The following NAA35 variants were observed in gnomAD, a reference collection of about 807,000 sequenced individuals.
NAA35 encodes MAK10 homolog, amino-acid N-acetyltransferase subunit.
Under a neutral mutation model 101.7 loss-of-function variants are expected in NAA35, and 18 were observed. That is an observed-to-expected ratio of 0.18 (90% CI 0.12 to 0.26). The LOEUF (loss-of-function observed/expected upper bound fraction) is 0.26, where lower values mean the gene tolerates loss of function less well. NAA35 is among the 10% of genes least tolerant of loss of function. The probability of loss-of-function intolerance (pLI) is 1.00; values close to 1 mark genes in which losing one functional copy is unlikely to be tolerated. For missense variants in NAA35, 601 were observed against 886.8 expected (o/e 0.68, Z 4.09); for synonymous variants, 267 against 273.1 (o/e 0.98, Z 0.22).
At chr9:85,990,523 C>G (rs963481639) in intron 11 of NAA35, among the ~76,000 whole-genome samples, 6 of 152,124 alleles carry the variant, frequency 3.9e-5, no homozygotes, top group Non-Finnish European at 8.8e-5. Flanking sequence ...GTTGTAGATA[C>G]AAAATTAATA....
chr9:85,966,559 TC>T (rs1256801665), intron 6 of NAA35: 4 of 1,034,060 alleles, frequency 3.9e-6, no homozygotes, highest in Non-Finnish European at 1.3e-6. Context: ...TTTCTTTCTT[TC>T]TTTTTTTTTT....
At chr9:86,016,812 G>C (rs1478504750) in intron 18 of NAA35, 137 bp downstream of exon 18, 5 of 786,124 alleles carry the variant, frequency 6.4e-6, no homozygotes, top group Admixed American at 2.9e-5. Flanking sequence ...GGTAGAGACT[G>C]AGTCCCAGTA....
chr9:85,941,401 G>C, intron 1 of NAA35, 128 bp downstream of exon 1: 1 of 985,472 alleles, frequency 1.0e-6, no homozygotes, highest in Non-Finnish European at 1.2e-6. Flanking sequence ...CCCGCTGCGC[G>C]TCAGGTAGGA....
rs534974631 is a variant in NAA35 at position 85,998,142 on chromosome 9, C to G, written c.1056+1565C>G. On this transcript the variant is annotated intron_variant, in intron 12 of 22. Coordinates refer to ENST00000361671, the MANE Select transcript of NAA35 (RefSeq NM_024635.4). ...TGTTAGCCAGGATGGTCTTGATTTC[C>G]TGACCTCGTGATCCACCCACCTTGG... Among the ~76,000 whole-genome samples the G allele has an allele frequency of 2.6e-5, 4 of 152,160 alleles. No individual in the cohort carries two copies. In the East Asian group the frequency reaches 7.8e-4, roughly 30 times the overall value.
chr9:85,952,799 C>T (rs1460311598), intron 2 of NAA35, among the ~76,000 whole-genome samples: 1 of 152,114 alleles, frequency 6.6e-6, no homozygotes, highest in Non-Finnish European at 1.5e-5. Context: ...ACATTTTGCC[C>T]TGTAGGTACC....
At position 86,016,643 on chromosome 9, in the gene NAA35, G is replaced by A. The variant is rs1437801735; in HGVS notation, c.1673G>A (p.Arg558His). Reference protein sequence around the residue: ...ERIMEEQQKGRSSKKTKKKKK... With the variant: ...ERIMEEQQKGHSSKKTKKKKK... ...ATAATGGAAGAGCAGCAGAAAGGCCGTAGTAGTAAAAAAACAAAGAAAAAA... is the reference window on the plus strand; with the variant it reads ...ATAATGGAAGAGCAGCAGAAAGGCCATAGTAGTAAAAAAACAAAGAAAAAA... The change falls in exon 18 of 23, where the codon CGT becomes CAT. Residue 558 changes from arginine (R) to histidine (H), a missense_variant. This residue lies in a region of NAA35 where 99 missense variants were observed against 206.7 expected (regional missense o/e 0.48). Transcript: ENST00000361671. 3 of 1,613,444 alleles carry A rather than the reference G, an allele frequency of 1.9e-6. No individual in the cohort carries two copies. The highest frequency in any genetic ancestry group is 2.5e-6 in the Non-Finnish European group (3 of 1,179,830).
intron 9 of NAA35, 34 bp downstream of exon 9, chr9:85,976,769 G>T: frequency 6.8e-7 from 1 of 1,470,694 alleles, no homozygotes; most frequent in South Asian, 1.2e-5. Flanking sequence ...GATAATATCA[G>T]AGAAGTCTAC....
intron 22 of NAA35, 80 bp from the exon 23 acceptor site, chr9:86,021,821 T>C: frequency 8.4e-7 from 1 of 1,190,890 alleles, no homozygotes; most frequent in Non-Finnish European, 1.2e-6. Context: ...CAAGAAACTC[T>C]AAAATAAAAA....
chr9:85,969,859 TAAA>T (rs76512245), intron 6 of NAA35, among the ~76,000 whole-genome samples: 8 of 134,796 alleles, frequency 5.9e-5, no homozygotes, highest in Non-Finnish European at 4.9e-5. Context: ...CTCTGTCTCT[TAAA>T]AAAAAAAAAA....
intron 3 of NAA35, among the ~76,000 whole-genome samples, chr9:85,957,185 A>G (rs1190522167): frequency 2.0e-5 from 3 of 152,206 alleles, no homozygotes; most frequent in Admixed American, 6.5e-5. Flanking sequence ...TGATTAACAC[A>G]TATTTTGTAT....
At position 85,977,345 on chromosome 9, in the gene NAA35, C is replaced by T. The variant is rs1564302044; in HGVS notation, c.679-18C>T. The T allele has an allele frequency of 4.4e-6, 7 of 1,579,306 alleles. No individual in the cohort carries two copies. Among genetic ancestry groups the T allele is most frequent in the African/African-American group, 1.3e-5 (1 of 74,258 alleles). ...GGCTTTGCATCTTTTAACTTTTAGT[C>T]CTTTCTTGTTTTTTTAGCACCAACA... is the stretch of plus-strand genomic sequence containing the variant. On this transcript the variant is annotated intron_variant, in intron 9 of 22. Coordinates refer to ENST00000361671, the MANE Select transcript of NAA35 (RefSeq NM_024635.4).
In NAA35 at chr9:86,022,028, C is replaced by A; in HGVS notation, c.*68C>A. On this transcript the variant is annotated 3_prime_UTR_variant, in exon 23 of 23. Transcript: ENST00000361671. ...CAGACCCAACTCTTAGAGGGCACAT[C>A]ACCAGGCTCCACATCACGGGAAGTG... 1 of 1,135,316 alleles carries A rather than the reference C, an allele frequency of 8.8e-7. No homozygotes were observed. Among genetic ancestry groups the A allele is most frequent in the Non-Finnish European group, 1.3e-6 (1 of 763,804 alleles). The allele number at this position is 1,135,316 out of a possible 1,614,324, so 70.3% of individuals were successfully genotyped here.
chr9:86,003,848 T>C (rs1831517566), intron 13 of NAA35, among the ~76,000 whole-genome samples: 1 of 152,142 alleles, frequency 6.6e-6, no homozygotes, highest in Admixed American at 6.5e-5. Flanking sequence ...ACCTCAGTGA[T>C]TTAAAAACAA....
chr9:86,011,899 ATATT>A (rs1257993229), intron 15 of NAA35, among the ~76,000 whole-genome samples: 1 of 141,606 alleles, frequency 7.1e-6, no homozygotes, highest in Non-Finnish European at 1.5e-5. Flanking sequence ...TATATGATAT[ATATT>A]AATATATATT....
intron 11 of NAA35, among the ~76,000 whole-genome samples, chr9:85,982,961 C>G (rs1193612161): frequency 2.0e-5 from 3 of 152,174 alleles, no homozygotes; most frequent in Non-Finnish European, 4.4e-5. Context: ...AGTGGATCTC[C>G]TCAAGGCTGC....
At chr9:86,010,313 TC>T (rs1564324268) in intron 15 of NAA35, among the ~76,000 whole-genome samples, 2 of 152,196 alleles carry the variant, frequency 1.3e-5, no homozygotes, top group South Asian at 2.1e-4. Context: ...GTGCTTTTTT[TC>T]ATCTAATATT....
In NAA35 at chr9:85,978,477, G is replaced by C. The variant is rs1830307239; in HGVS notation, c.877+96G>C. The C allele has an allele frequency of 3.9e-6, 3 of 767,012 alleles. No individual in the cohort carries two copies. The Admixed American group carries it at 6.3e-5, about 16-fold the overall frequency. 47.5% of individuals were successfully genotyped at this position (767,012 alleles called of 1,614,324 possible). A position where few individuals can be genotyped will look rare whatever the true frequency, so the allele number is the denominator to read the frequency against. On this transcript the variant is annotated intron_variant, in intron 11 of 22. Coordinates refer to ENST00000361671, the MANE Select transcript of NAA35 (RefSeq NM_024635.4). ...ACTAAAGTTTTTTCAAGTCAGTCTTGTACCTTGGGATGTTTTAATCCAGAG... is the reference window on the plus strand; with the variant it reads ...ACTAAAGTTTTTTCAAGTCAGTCTTCTACCTTGGGATGTTTTAATCCAGAG...
chr9:86,011,051 T>C (rs1831899760), intron 15 of NAA35, among the ~76,000 whole-genome samples: 1 of 151,266 alleles, frequency 6.6e-6, no homozygotes, highest in Non-Finnish European at 1.5e-5. Flanking sequence ...GAGACCAGCC[T>C]GACCAACGTG....
At chr9:86,018,642 G>T in intron 20 of NAA35, 57 bp from the exon 21 acceptor site, 2 of 1,567,518 alleles carry the variant, frequency 1.3e-6, no homozygotes, top group Non-Finnish European at 1.7e-6. Context: ...TTAGAAATGG[G>T]ATTTTAGAGT....
Sources: gnomAD v4.1 joint callset for allele counts (sites outside exome capture counted in the v4.1 genomes callset) on GRCh38, gnomAD v4.1.1 for gene constraint, gnomAD v4.1.1 regional missense constraint, MANE v1.5 for transcripts, NCBI Gene and HGNC (gene_info 2026-07-23, HGNC 2026-07-21) for gene names.